MRC1: variants seen among roughly 807,000 people sequenced by gnomAD.
MRC1 encodes the protein mannose receptor C-type 1.
A neutral mutation model predicts 102.9 loss-of-function variants in MRC1; 62 were observed. The ratio of observed to expected loss-of-function variants is 0.60; its 90% CI spans 0.49 to 0.74. The LOEUF is 0.74. MRC1 is among the 30% of genes least tolerant of loss of function. The probability of loss-of-function intolerance (pLI) is 0.00; values close to 1 mark genes in which losing one functional copy is unlikely to be tolerated. For synonymous variants in MRC1, 457 were observed against 298.4 expected, an observed-to-expected ratio of 1.53 and a Z score of -5.48; for missense variants, 1,237 against 862.8, an observed-to-expected ratio of 1.43 and a Z score of -5.43.
chr10:17,887,653 A>G (rs1344553628), intron 22 of MRC1, among the ~76,000 whole-genome samples: 1 of 152,224 alleles, frequency 6.6e-6, no homozygotes, highest in African/African-American at 2.4e-5. Context: ...ATAAAAACAA[A>G]CTAACAAACA....
At chr10:17,853,865 T>C (rs1197598153) in intron 8 of MRC1, among the ~76,000 whole-genome samples, 1 of 152,184 alleles carries the variant, frequency 6.6e-6, no homozygotes, top group African/African-American at 2.4e-5. Context: ...ATTAAGAGGC[T>C]GAGTTTTGCT....
At chr10:17,811,530 G>T (rs1445223543) in intron 1 of MRC1, among the ~76,000 whole-genome samples, 1 of 151,930 alleles carries the variant, frequency 6.6e-6, no homozygotes, top group Non-Finnish European at 1.5e-5. Context: ...CCCCCTTCCA[G>T]ATTTTTTTTT....
chr10:17,859,743 G>A (rs1833152328), intron 9 of MRC1, among the ~76,000 whole-genome samples: 1 of 152,260 alleles, frequency 6.6e-6, no homozygotes, highest in South Asian at 2.1e-4. Flanking sequence ...TCTACTTCTT[G>A]GAGTGCTTTA....
chr10:17,820,095 G>A (rs1838373283), intron 1 of MRC1, among the ~76,000 whole-genome samples: 1 of 152,162 alleles, frequency 6.6e-6, no homozygotes, highest in African/African-American at 2.4e-5. Flanking sequence ...AGGAGGGTGA[G>A]CTGCTTTACT....
At chr10:17,907,273 A>T (rs1833907715) in intron 27 of MRC1, among the ~76,000 whole-genome samples, 1 of 152,206 alleles carries the variant, frequency 6.6e-6, no homozygotes, top group Non-Finnish European at 1.5e-5. Flanking sequence ...CAGGAAAAAA[A>T]TGCTAAGGAA....
chr10:17,840,581 G>T (rs1036814698), intron 4 of MRC1, 112 bp from the exon 5 acceptor site: 1 of 734,016 alleles, frequency 1.4e-6, no homozygotes, highest in Admixed American at 1.9e-5. Flanking sequence ...CATGATTATT[G>T]TTACTTCCCT....
At chr10:17,866,891 T>A (rs1387609498) in intron 12 of MRC1, 130 bp downstream of exon 12, 2 of 721,042 alleles carry the variant, frequency 2.8e-6, no homozygotes, top group Admixed American at 4.0e-5. Flanking sequence ...ATTTAGAAAT[T>A]CTGATTTGAT....
At chr10:17,856,871 A>G (rs1833100766) in intron 9 of MRC1, among the ~76,000 whole-genome samples, 1 of 152,174 alleles carries the variant, frequency 6.6e-6, no homozygotes, top group African/African-American at 2.4e-5. Flanking sequence ...GTCGGGAGGT[A>G]GGAAATCCAG....
intron 9 of MRC1, among the ~76,000 whole-genome samples, chr10:17,857,434 A>G (rs1833109384): frequency 6.6e-6 from 1 of 152,198 alleles, no homozygotes; most frequent in African/African-American, 2.4e-5. Context: ...ATTGCTTTTA[A>G]TCAATCTGTT....
intron 21 of MRC1, among the ~76,000 whole-genome samples, chr10:17,883,573 T>C (rs1235252916): frequency 1.3e-5 from 2 of 152,188 alleles, no homozygotes; most frequent in African/African-American, 4.8e-5. Flanking sequence ...GCAATGGAAT[T>C]GCTTGAAATT....
At chr10:17,889,284 G>C (rs973036364) in intron 22 of MRC1, among the ~76,000 whole-genome samples, 10 of 151,760 alleles carry the variant, frequency 6.6e-5, no homozygotes, top group Admixed American at 4.6e-4. Flanking sequence ...ATTTGCTATT[G>C]TTTTCTGTTT....
At chr10:17,871,412 G>C (rs1224626277) in intron 14 of MRC1, among the ~76,000 whole-genome samples, 2 of 152,138 alleles carry the variant, frequency 1.3e-5, no homozygotes, top group African/African-American at 4.8e-5. Flanking sequence ...GCTTAGTCCA[G>C]AACCCCGTGG....
chr10:17,905,633 A>G (rs1032931126), intron 26 of MRC1, among the ~76,000 whole-genome samples: 3 of 151,724 alleles, frequency 2.0e-5, no homozygotes, highest in Non-Finnish European at 4.4e-5. Context: ...ATGAGTCATA[A>G]ATATTTTGAA....
At chr10:17,849,408 C>T (rs1286504566) in intron 6 of MRC1, among the ~76,000 whole-genome samples, 171 bp from the exon 7 acceptor site, 2 of 151,764 alleles carry the variant, frequency 1.3e-5, no homozygotes, top group East Asian at 1.9e-4. Flanking sequence ...ATAGTATATG[C>T]CTTGTCTATT....
intron 11 of MRC1, 124 bp from the exon 12 acceptor site, chr10:17,866,438 C>T: frequency 1.3e-6 from 1 of 768,232 alleles, no homozygotes; most frequent in African/African-American, 1.7e-5. Context: ...TACAAACCCC[C>T]CTGCATCTGA....
At position 17,847,926 on chromosome 10, in the gene MRC1, C is replaced by CTTCT. The variant is rs782053451; in HGVS notation, c.1064-1651_1064-1650insCTTT. ...AGCTTGCTTTCTTTTTCTTTTTCTT[C>CTTCT]TTTTTTTTTTTGTAACCACTGGAAG... On this transcript the variant is annotated intron_variant, in intron 6 of 29. Coordinates refer to ENST00000569591, the MANE Select transcript of MRC1 (RefSeq NM_002438.4). 8.8e-5 allele frequency among the ~76,000 whole-genome samples: 13 copies of CTTCT among 147,430 alleles called. No individual in the cohort carries two copies. In the South Asian group the frequency reaches 1.1e-3, roughly 12 times the overall value.
At chr10:17,832,447 G>C (rs1467766374) in intron 3 of MRC1, among the ~76,000 whole-genome samples, 3 of 150,056 alleles carry the variant, frequency 2.0e-5, no homozygotes, top group Admixed American at 6.6e-5. Context: ...CCCAGCTGCT[G>C]GGGAGGCTGA....
At chr10:17,818,874 C>T (rs947227443) in intron 1 of MRC1, among the ~76,000 whole-genome samples, 32 of 152,164 alleles carry the variant, frequency 2.1e-4, no homozygotes, top group African/African-American at 7.7e-4. Context: ...GAACTCAAAA[C>T]ATGAAGTCAC....
At chr10:17,870,549 TA>T (rs1833339524) in intron 13 of MRC1, among the ~76,000 whole-genome samples, 176 bp downstream of exon 13, 1 of 152,218 alleles carries the variant, frequency 6.6e-6, no homozygotes. Flanking sequence ...CCTTTAATTT[TA>T]TAAGTGTAAA....
Sources: allele counts gnomAD v4.1 joint callset (sites outside exome capture counted in the v4.1 genomes callset), GRCh38; gene constraint gnomAD v4.1.1; transcripts MANE v1.5; gene names NCBI Gene and HGNC (gene_info 2026-07-23, HGNC 2026-07-21).